Variants in PTCHD4 observed in about 807,000 individuals in gnomAD.
PTCHD4 encodes the protein patched domain containing 4.
A neutral mutation model predicts 58.1 loss-of-function variants in PTCHD4; 33 were observed. That is an observed-to-expected ratio of 0.57 (90% CI 0.43 to 0.76). The LOEUF (loss-of-function observed/expected upper bound fraction) is 0.76. Ranked by LOEUF, PTCHD4 falls within the 30% of genes least tolerant of loss-of-function variation. The pLI is 0.00. For missense variants in PTCHD4, 1,058 were observed against 1,027.1 expected (o/e 1.03, Z -0.41); for synonymous variants, 478 against 409.6 (o/e 1.17, Z -2.02).
At chr6:47,883,232 A>G (rs2114106343) in intron 4 of PTCHD4, among the ~76,000 whole-genome samples, 1 of 152,236 alleles carries the variant, frequency 6.6e-6, no homozygotes, top group Non-Finnish European at 1.5e-5. Flanking sequence ...CCAGAAAGTC[A>G]TTTTCACTTA....
At chr6:48,015,644 C>G (rs905074251) in intron 3 of PTCHD4, among the ~76,000 whole-genome samples, 1 of 152,002 alleles carries the variant, frequency 6.6e-6, no homozygotes, top group Admixed American at 6.6e-5. Context: ...AAGACCTAAA[C>G]CAGCCTTCCT....
chr6:47,949,899 C>G (rs900583621), intron 4 of PTCHD4, among the ~76,000 whole-genome samples: 26 of 151,112 alleles, frequency 1.7e-4, no homozygotes, highest in African/African-American at 6.3e-4. Flanking sequence ...TATTATTATA[C>G]TTTAAGTTTT....
chr6:47,976,625 G>T (rs1472411459), intron 4 of PTCHD4, among the ~76,000 whole-genome samples: 1 of 151,178 alleles, frequency 6.6e-6, no homozygotes, highest in Non-Finnish European at 1.5e-5. Context: ...CTTTACTCCA[G>T]CCTGGGCCAC....
At chr6:47,909,112 T>A (rs1387241884) in intron 4 of PTCHD4, among the ~76,000 whole-genome samples, 1 of 152,166 alleles carries the variant, frequency 6.6e-6, no homozygotes, top group African/African-American at 2.4e-5. Flanking sequence ...TATACAGGCT[T>A]AATGCTACTT....
chr6:48,024,782 C>T (rs1421213248), intron 3 of PTCHD4, among the ~76,000 whole-genome samples: 1 of 152,126 alleles, frequency 6.6e-6, no homozygotes, highest in Middle Eastern at 3.2e-3. Flanking sequence ...AAGTAAGAAC[C>T]AAACCTCCTG....
rs530085432 is a variant in PTCHD4, at chr6:47,975,814, T to C, written c.898+32820A>G. ...CTTGGAAAGTGCATAGTGTGCTTCTTCAACTTTACAGACACTTTCTAGGCC... is the reference window on the plus strand; with the variant it reads ...CTTGGAAAGTGCATAGTGTGCTTCTCCAACTTTACAGACACTTTCTAGGCC... On this transcript the variant is annotated intron_variant, in intron 4 of 4. Coordinates refer to ENST00000339488, the MANE Select transcript of PTCHD4 (RefSeq NM_001384253.1). 5.5e-4 allele frequency among the ~76,000 whole-genome samples: 84 copies of C among 152,328 alleles called. 1 individual carries two copies. In the South Asian group the frequency reaches 0.017, roughly 31 times the overall value.
chr6:48,025,115 T>C (rs1763198061), intron 3 of PTCHD4, among the ~76,000 whole-genome samples: 1 of 152,192 alleles, frequency 6.6e-6, no homozygotes, highest in African/African-American at 2.4e-5. Flanking sequence ...AAACATTCTT[T>C]ATAATACACT....
chr6:47,913,958 A>T (rs1195927632), intron 4 of PTCHD4, among the ~76,000 whole-genome samples: 1 of 151,932 alleles, frequency 6.6e-6, no homozygotes, highest in Non-Finnish European at 1.5e-5. Flanking sequence ...AGACTGCTGG[A>T]CTCTGTTTCT....
chr6:47,928,198 T>C (rs1765689637), intron 4 of PTCHD4, among the ~76,000 whole-genome samples: 2 of 152,126 alleles, frequency 1.3e-5, no homozygotes, highest in Non-Finnish European at 2.9e-5. Flanking sequence ...AAAAAATTGC[T>C]CCTAAGGCAG....
chr6:48,003,458 C>A (rs904920880), intron 4 of PTCHD4, among the ~76,000 whole-genome samples: 4 of 152,156 alleles, frequency 2.6e-5, no homozygotes, highest in Non-Finnish European at 5.9e-5. Context: ...TAGTCCCTCA[C>A]TGAGTCCTGT....
At chr6:47,901,482 A>C (rs925593098) in intron 4 of PTCHD4, 2 of 980,532 alleles carry the variant, frequency 2.0e-6, no homozygotes, top group African/African-American at 3.5e-5. Flanking sequence ...CAGCACATCT[A>C]AACTTCATCA....
At chr6:47,985,815 T>A (rs1355436956) in intron 4 of PTCHD4, among the ~76,000 whole-genome samples, 3 of 151,996 alleles carry the variant, frequency 2.0e-5, no homozygotes, top group Non-Finnish European at 2.9e-5. Context: ...TATGATCTTA[T>A]ATTGAAGTAA....
chr6:47,871,419 T>A lies in PTCHD4; in HGVS notation c.*6884A>T, dbSNP rs1051352915. On this transcript the variant is annotated 3_prime_UTR_variant, in exon 5 of 5. Coordinates refer to ENST00000339488, the MANE Select transcript of PTCHD4 (RefSeq NM_001384253.1). ...GAATTTTTCTGAAGTTATTCACAGA[T>A]TATTTGTGCATCTTACTGGGTAGAC... 6.6e-6 allele frequency among the ~76,000 whole-genome samples: 1 copy of A among 151,624 alleles called. No individual in the cohort carries two copies. Among genetic ancestry groups the A allele is most frequent in the Non-Finnish European group, 1.5e-5 (1 of 67,720 alleles).
intron 1 of PTCHD4, among the ~76,000 whole-genome samples, chr6:48,092,819 G>A (rs1037257017): frequency 6.6e-6 from 1 of 152,124 alleles, no homozygotes; most frequent in East Asian, 1.9e-4. Context: ...GGCCACCAAG[G>A]CAAGATCCTT....
chr6:48,046,339 G>A (rs79434290), intron 3 of PTCHD4, among the ~76,000 whole-genome samples: 1,600 of 151,876 alleles, frequency 0.011, 39 homozygotes, highest in African/African-American at 0.036. Context: ...AGTAGCTTTT[G>A]GGGGAAGCAC....
intron 4 of PTCHD4, among the ~76,000 whole-genome samples, chr6:47,931,815 G>A (rs576914704): frequency 7.9e-5 from 12 of 151,810 alleles, no homozygotes; most frequent in Admixed American, 3.3e-4. Flanking sequence ...TAGGGGCCAC[G>A]AAGTTTTCCT....
At chr6:48,095,231 A>C (rs185124506) in intron 1 of PTCHD4, among the ~76,000 whole-genome samples, 2 of 152,342 alleles carry the variant, frequency 1.3e-5, no homozygotes, top group Admixed American at 6.5e-5. Context: ...TTTTTAAAGA[A>C]ATAATATGTA....
intron 1 of PTCHD4, among the ~76,000 whole-genome samples, chr6:48,082,594 C>G (rs1391260052): frequency 6.6e-6 from 1 of 152,152 alleles, no homozygotes; most frequent in Non-Finnish European, 1.5e-5. Context: ...CAGTTATACT[C>G]CCAAGATGCC....
intron 1 of PTCHD4, among the ~76,000 whole-genome samples, chr6:48,086,036 AG>A (rs1451695179): frequency 6.6e-6 from 1 of 152,170 alleles, no homozygotes; most frequent in Non-Finnish European, 1.5e-5. Flanking sequence ...TAAAAAAAAA[AG>A]TGGTACAGCA....
Sources: allele counts gnomAD v4.1 joint callset (sites outside exome capture counted in the v4.1 genomes callset), GRCh38; gene constraint gnomAD v4.1.1; transcripts MANE v1.5; gene names NCBI Gene and HGNC (gene_info 2026-07-23, HGNC 2026-07-21).